COX10: variants seen among roughly 807,000 people sequenced by gnomAD.
COX10 encodes the protein cytochrome c oxidase assembly factor heme A:farnesyltransferase COX10.
Under a neutral mutation model 37.3 loss-of-function variants are expected in COX10, and 27 were observed. The ratio of observed to expected loss-of-function variants is 0.72; its 90% confidence interval spans 0.53 to 1.00. COX10 has a LOEUF of 1.00. Ranked by LOEUF, COX10 falls within the 50% of genes least tolerant of loss-of-function variation. The pLI is 0.00. For missense variants in COX10, 475 were observed against 563.2 expected (o/e 0.84, Z 1.59); for synonymous variants, 222 against 229.1 (o/e 0.97, Z 0.28).
rs557517800 is a variant in COX10 at position 14,160,777 on chromosome 17, A to T, written c.695+830A>T. Among the ~76,000 whole-genome samples, 3 of 152,368 alleles carry T rather than the reference A, an allele frequency of 2.0e-5. No homozygotes were observed. In the East Asian group the frequency reaches 5.8e-4, roughly 29 times the overall value. Reference sequence around the variant, plus strand: ...TTCTCAATGAATTTAAAATATCATTATAGTAAAAAGGGCAATAGAACCAGA... The same window carrying T: ...TTCTCAATGAATTTAAAATATCATTTTAGTAAAAAGGGCAATAGAACCAGA... On this transcript the variant is annotated intron_variant, in intron 5 of 6. Transcript: ENST00000261643.
chr17:14,139,559 C>G (rs923845162), intron 4 of COX10, among the ~76,000 whole-genome samples: 1 of 152,110 alleles, frequency 6.6e-6, no homozygotes, highest in Non-Finnish European at 1.5e-5. Context: ...CCTAGCTACA[C>G]CTTTCCTATG....
intron 4 of COX10, among the ~76,000 whole-genome samples, chr17:14,158,307 C>T (rs909449918): frequency 9.2e-5 from 14 of 151,560 alleles, no homozygotes; most frequent in African/African-American, 3.1e-4. Context: ...AAGTTTTTTA[C>T]AAAATTAAAG....
At chr17:14,077,343 T>C (rs1915179748) in intron 3 of COX10, 2 of 379,292 alleles carry the variant, frequency 5.3e-6, no homozygotes, top group South Asian at 2.6e-5. Flanking sequence ...TTTAGTGTTT[T>C]TACACCTGCT....
chr17:14,175,243 G>C (rs1382814270), intron 5 of COX10, among the ~76,000 whole-genome samples: 1 of 151,250 alleles, frequency 6.6e-6, no homozygotes, highest in African/African-American at 2.4e-5. Flanking sequence ...CACTTGCAAT[G>C]GGTAAATTTG....
chr17:14,146,541 A>T (rs201761225), intron 4 of COX10, among the ~76,000 whole-genome samples: 1 of 152,150 alleles, frequency 6.6e-6, no homozygotes, highest in Non-Finnish European at 1.5e-5. Context: ...AACTAGTACA[A>T]GAAAATATTG....
chr17:14,129,126 G>A (rs986336184), intron 4 of COX10, among the ~76,000 whole-genome samples: 9 of 150,966 alleles, frequency 6.0e-5, no homozygotes, highest in Non-Finnish European at 8.9e-5. Flanking sequence ...GATTACAGGC[G>A]TGAGCCACTG....
chr17:14,075,301 T>C (rs779649010), intron 2 of COX10, among the ~76,000 whole-genome samples: 6 of 152,238 alleles, frequency 3.9e-5, no homozygotes, highest in Non-Finnish European at 8.8e-5. Context: ...CCCTTTTTTA[T>C]GTAAATGGAA....
intron 4 of COX10, among the ~76,000 whole-genome samples, chr17:14,102,918 G>A (rs1048027499): frequency 6.6e-6 from 1 of 152,084 alleles, no homozygotes; most frequent in Non-Finnish European, 1.5e-5. Context: ...GAACACCCAA[G>A]AGGAGTTGGC....
chr17:14,137,495 C>CT (rs1048554514), intron 4 of COX10, among the ~76,000 whole-genome samples: 1 of 151,626 alleles, frequency 6.6e-6, no homozygotes, highest in Admixed American at 6.6e-5. Context: ...CCCAGTCATT[C>CT]TTTTTTTAGA....
At chr17:14,096,964 T>G (rs982917521) in intron 3 of COX10, among the ~76,000 whole-genome samples, 2 of 152,126 alleles carry the variant, frequency 1.3e-5, no homozygotes, top group African/African-American at 4.8e-5. Context: ...TTCCTGGGCC[T>G]GCAGTGCAGT....
At chr17:14,110,573 C>A (rs1257543313) in intron 4 of COX10, among the ~76,000 whole-genome samples, 2 of 152,036 alleles carry the variant, frequency 1.3e-5, no homozygotes, top group Non-Finnish European at 2.9e-5. Flanking sequence ...CCCACCACCC[C>A]CACCTAGCAG....
At chr17:14,150,310 T>C (rs902821799) in intron 4 of COX10, among the ~76,000 whole-genome samples, 1 of 152,146 alleles carries the variant, frequency 6.6e-6, no homozygotes, top group Non-Finnish European at 1.5e-5. Flanking sequence ...TGAAAAGAGT[T>C]CTAAAAGATT....
intron 4 of COX10, among the ~76,000 whole-genome samples, chr17:14,141,150 C>T (rs761400953): frequency 1.3e-5 from 2 of 151,488 alleles, no homozygotes; most frequent in African/African-American, 2.4e-5. Context: ...TATCTGAAAC[C>T]GTTCGAAAAT....
chr17:14,137,139 T>C, intron 4 of COX10, among the ~76,000 whole-genome samples: 1 of 151,982 alleles, frequency 6.6e-6, no homozygotes, highest in East Asian at 1.9e-4. Flanking sequence ...TGGGAGTGCC[T>C]TTCTGAAGGG....
At chr17:14,081,971 A>G (rs187676866) in intron 3 of COX10, among the ~76,000 whole-genome samples, 2 of 152,152 alleles carry the variant, frequency 1.3e-5, no homozygotes, top group Admixed American at 1.3e-4. Context: ...TTGAGTTGCT[A>G]CTGGCATATC....
chr17:14,205,872 C>T (rs754998474), intron 6 of COX10, among the ~76,000 whole-genome samples: 7 of 152,080 alleles, frequency 4.6e-5, no homozygotes, highest in African/African-American at 7.2e-5. Flanking sequence ...AGGAGCTCAG[C>T]GAGCAGCAGC....
chr17:14,156,921 A>G (rs1597526489), intron 4 of COX10, among the ~76,000 whole-genome samples: 1 of 152,306 alleles, frequency 6.6e-6, no homozygotes, highest in East Asian at 1.9e-4. Context: ...CATTTTCCGC[A>G]GAGTCAGACA....
At chr17:14,155,329 T>TA (rs11315138) in intron 4 of COX10, among the ~76,000 whole-genome samples, 7 of 144,780 alleles carry the variant, frequency 4.8e-5, no homozygotes, top group African/African-American at 1.5e-4. Context: ...AACATCTACA[T>TA]AAAAAAAAAA....
At position 14,190,921 on chromosome 17, in the gene COX10, T is replaced by C. The variant is rs567875532; in HGVS notation, c.696-1068T>C. 7.9e-5 allele frequency among the ~76,000 whole-genome samples: 12 copies of C among 152,234 alleles called. No homozygotes were observed. The South Asian group carries it at 2.5e-3, about 32-fold the overall frequency. On this transcript the variant is annotated intron_variant, in intron 5 of 6. Coordinates refer to ENST00000261643, the MANE Select transcript of COX10 (RefSeq NM_001303.4). The stretch of plus-strand genomic sequence containing the variant: ...GTCTGCCTCTCTAGGGAGTTGGCTG[T>C]TTTTAAAACCAGAGCACTCTAGAAG...
Sources: allele counts gnomAD v4.1 joint callset (sites outside exome capture counted in the v4.1 genomes callset), GRCh38; gene constraint gnomAD v4.1.1; transcripts MANE v1.5; gene names NCBI Gene and HGNC (gene_info 2026-07-23, HGNC 2026-07-21).